The following MCTP1 variants were observed in gnomAD, a reference collection of about 807,000 sequenced individuals.
The protein encoded by MCTP1 is multiple C2 and transmembrane domain-containing protein 1.
MCTP1 carries 69 observed loss-of-function variants against 120.6 expected under a neutral mutation model. The ratio of observed to expected loss-of-function variants is 0.57; its 90% CI spans 0.47 to 0.70. MCTP1 has a LOEUF of 0.70. MCTP1 is among the 30% of genes least tolerant of loss of function. MCTP1 has a pLI of 0.00. For synonymous variants in MCTP1, 529 were observed against 493.1 expected, an observed-to-expected ratio of 1.07 and a Z score of -0.96; for missense variants, 1,203 against 1,248.8, an observed-to-expected ratio of 0.96 and a Z score of 0.55.
chr5:94,987,808 T>C (rs1350798586), intron 2 of MCTP1, among the ~76,000 whole-genome samples: 1 of 152,222 alleles, frequency 6.6e-6, no homozygotes, highest in East Asian at 1.9e-4. Flanking sequence ...ATGCATGATT[T>C]GATGAAAACT....
chr5:94,788,845 G>A (rs538624527), intron 18 of MCTP1: 29 of 152,282 alleles, frequency 1.9e-4, no homozygotes, highest in African/African-American at 7.0e-4. Context: ...TTACGGAAAT[G>A]GTGAAGTCCT....
At chr5:95,164,519 A>G (rs1371179020) in intron 1 of MCTP1, among the ~76,000 whole-genome samples, 1 of 152,180 alleles carries the variant, frequency 6.6e-6, no homozygotes, top group East Asian at 1.9e-4. Context: ...TTGCTCACTC[A>G]TAATTCTTAG....
At chr5:95,039,338 G>A in intron 1 of MCTP1, among the ~76,000 whole-genome samples, 1 of 152,152 alleles carries the variant, frequency 6.6e-6, no homozygotes, top group East Asian at 1.9e-4. Context: ...GATAAATATT[G>A]ACATTTCTTC....
At chr5:94,717,494 TCAACATA>T in intron 19 of MCTP1, among the ~76,000 whole-genome samples, 1 of 152,102 alleles carries the variant, frequency 6.6e-6, no homozygotes, top group South Asian at 2.1e-4. Flanking sequence ...TCACTCCTAT[TCAACATA>T]GTATTGGAAG....
chr5:94,852,853 T>G (rs1003758690), intron 17 of MCTP1, among the ~76,000 whole-genome samples: 5 of 151,942 alleles, frequency 3.3e-5, no homozygotes, highest in African/African-American at 1.2e-4. Context: ...CAAAACTTAT[T>G]GGTAACATAC....
intron 1 of MCTP1, among the ~76,000 whole-genome samples, chr5:95,082,376 T>G (rs2152324254): frequency 6.6e-6 from 1 of 152,304 alleles, no homozygotes; most frequent in Admixed American, 6.5e-5. Context: ...CTTGATCAAA[T>G]ATTGAATTAT....
chr5:94,729,705 A>G (rs1334395687), intron 19 of MCTP1, among the ~76,000 whole-genome samples: 2 of 152,242 alleles, frequency 1.3e-5, no homozygotes, highest in Non-Finnish European at 2.9e-5. Flanking sequence ...AAGGCAAAAT[A>G]CAAACTCAAC....
In MCTP1 at chr5:95,042,368, C is replaced by T. The variant is rs77080551; in HGVS notation, c.721-24884G>A. ...GAAACCATCAGGACTGAGCAATAAA[C>T]ATGCTACCAGAAAACAGCGGAAGAT... is the stretch of plus-strand genomic sequence containing the variant. On this transcript the variant is annotated intron_variant, in intron 1 of 22. Transcript: ENST00000515393. 4.5e-4 allele frequency among the ~76,000 whole-genome samples: 69 copies of T among 152,252 alleles called. No homozygotes were observed. The East Asian group carries it at 9.1e-3, about 20-fold the overall frequency.
intron 19 of MCTP1, among the ~76,000 whole-genome samples, chr5:94,737,187 C>G (rs1472036762): frequency 1.3e-5 from 2 of 148,292 alleles, no homozygotes; most frequent in Non-Finnish European, 3.0e-5. Flanking sequence ...AAGAATCTCA[C>G]TATGTTTTCC....
chr5:95,251,031 GC>G (rs1452180648), intron 1 of MCTP1, among the ~76,000 whole-genome samples: 1 of 152,122 alleles, frequency 6.6e-6, no homozygotes, highest in Non-Finnish European at 1.5e-5. Context: ...AGCAAAGAAA[GC>G]CCATGCTCTC....
intron 1 of MCTP1, among the ~76,000 whole-genome samples, chr5:95,185,991 AAAAC>A (rs778764193): frequency 1.3e-4 from 20 of 152,100 alleles, no homozygotes; most frequent in East Asian, 1.9e-4. Context: ...CTCCATCTCA[AAAAC>A]AAACAAACAA....
At chr5:94,830,466 A>G (rs1788251374) in intron 17 of MCTP1, among the ~76,000 whole-genome samples, 2 of 152,240 alleles carry the variant, frequency 1.3e-5, no homozygotes, top group Non-Finnish European at 2.9e-5. Flanking sequence ...GATCTTCTAC[A>G]GAGTAAGAGA....
At chr5:94,948,826 G>A (rs573646925) in intron 3 of MCTP1, among the ~76,000 whole-genome samples, 90 of 152,128 alleles carry the variant, frequency 5.9e-4, no homozygotes, top group East Asian at 5.8e-4. Context: ...AATAACTCTC[G>A]TGTACAACCA....
intron 1 of MCTP1, among the ~76,000 whole-genome samples, chr5:95,095,669 A>G (rs1259205534): frequency 6.6e-6 from 1 of 152,222 alleles, no homozygotes; most frequent in Non-Finnish European, 1.5e-5. Context: ...TCCAGGCTAC[A>G]CTGATTCTTT....
At chr5:94,736,699 C>T (rs1048462417) in intron 19 of MCTP1, among the ~76,000 whole-genome samples, 1 of 152,020 alleles carries the variant, frequency 6.6e-6, no homozygotes, top group Non-Finnish European at 1.5e-5. Context: ...TGAGAGACTG[C>T]AAGAAACACA....
At chr5:94,852,579 CTG>C (rs1437417320) in intron 17 of MCTP1, among the ~76,000 whole-genome samples, 1 of 151,910 alleles carries the variant, frequency 6.6e-6, no homozygotes, top group East Asian at 1.9e-4. Flanking sequence ...AAATTATTGA[CTG>C]TGAAAAATAG....
intron 1 of MCTP1, among the ~76,000 whole-genome samples, chr5:95,086,730 A>C (rs1462364884): frequency 6.6e-6 from 1 of 152,140 alleles, no homozygotes; most frequent in Admixed American, 6.6e-5. Context: ...AGACAAGTTC[A>C]TTTTTTACAA....
At chr5:95,081,269 G>T (rs914208813) in intron 1 of MCTP1, among the ~76,000 whole-genome samples, 1 of 152,116 alleles carries the variant, frequency 6.6e-6, no homozygotes, top group Non-Finnish European at 1.5e-5. Context: ...TCACAAGTAG[G>T]TTATACTGTA....
chr5:94,988,596 T>G (rs1438815518), intron 2 of MCTP1, among the ~76,000 whole-genome samples: 1 of 128,042 alleles, frequency 7.8e-6, no homozygotes, highest in African/African-American at 3.3e-5. Context: ...TCCCTGTGTG[T>G]GTTTTTTTTT....
Sources: allele counts gnomAD v4.1 joint callset (sites outside exome capture counted in the v4.1 genomes callset), GRCh38; gene constraint gnomAD v4.1.1; transcripts MANE v1.5; gene names NCBI Gene and HGNC (gene_info 2026-07-23, HGNC 2026-07-21).